EYS: variants seen among roughly 807,000 people sequenced by gnomAD.
EYS encodes EGF-like photoreceptor maintenance factor, also known as protein eyes shut homolog.
A neutral mutation model predicts 282.1 loss-of-function variants in EYS; 250 were observed. The observed-to-expected ratio is 0.89, with a 90% confidence interval of 0.80 to 0.98. The LOEUF is 0.98. Ranked by LOEUF, EYS falls within the 50% of genes least tolerant of loss-of-function variation. EYS has a pLI of 0.00. For synonymous variants in EYS, 1,355 were observed against 1,282.9 expected (o/e 1.06, Z -1.20); for missense variants, 4,016 against 3,709.0 (o/e 1.08, Z -2.15).
intron 12 of EYS, among the ~76,000 whole-genome samples, chr6:65,278,569 T>C (rs144160739): frequency 6.6e-6 from 1 of 151,980 alleles, no homozygotes; most frequent in African/African-American, 2.4e-5. Context: ...TCAAGGTTAT[T>C]CAGTGTGGCA....
chr6:63,906,829 A>G (rs1773790422), intron 35 of EYS, among the ~76,000 whole-genome samples: 1 of 152,102 alleles, frequency 6.6e-6, no homozygotes, highest in Admixed American at 6.5e-5. Flanking sequence ...AAACACAGAT[A>G]TACATATACT....
intron 35 of EYS, among the ~76,000 whole-genome samples, chr6:63,904,015 A>T (rs1773717212): frequency 6.6e-6 from 1 of 152,232 alleles, no homozygotes; most frequent in Non-Finnish European, 1.5e-5. Flanking sequence ...TTTAAGGCAA[A>T]GATAACTAGC....
At chr6:64,248,381 GAGCTGGA>G (rs1420751758) in intron 30 of EYS, among the ~76,000 whole-genome samples, 1 of 152,128 alleles carries the variant, frequency 6.6e-6, no homozygotes, top group Non-Finnish European at 1.5e-5. Flanking sequence ...GCTTGGAAAG[GAGCTGGA>G]GGCAGTTGAA....
intron 30 of EYS, among the ~76,000 whole-genome samples, chr6:64,303,121 C>G (rs1769293547): frequency 6.6e-6 from 1 of 152,114 alleles, no homozygotes; most frequent in Non-Finnish European, 1.5e-5. Flanking sequence ...CTTTATTAAC[C>G]TTTTTAAAAT....
At chr6:64,319,712 C>CAGAT (rs1770134159) in intron 29 of EYS, among the ~76,000 whole-genome samples, 2 of 42,446 alleles carry the variant, frequency 4.7e-5, no homozygotes, top group Admixed American at 2.2e-4. Context: ...GATGGATGGA[C>CAGAT]GGATGGATGG....
chr6:63,799,172 C>T (rs990819249), intron 37 of EYS, among the ~76,000 whole-genome samples: 1 of 151,312 alleles, frequency 6.6e-6, no homozygotes, highest in African/African-American at 2.4e-5. Flanking sequence ...TGCCACCACA[C>T]CCAGCTAATT....
intron 12 of EYS, among the ~76,000 whole-genome samples, chr6:65,243,186 T>A (rs1767097174): frequency 6.6e-6 from 1 of 152,232 alleles, no homozygotes; most frequent in South Asian, 2.1e-4. Flanking sequence ...GTTTATCATA[T>A]CATTTGTACT....
chr6:65,529,301 C>G (rs920401760), intron 2 of EYS, among the ~76,000 whole-genome samples: 7 of 152,094 alleles, frequency 4.6e-5, no homozygotes, highest in African/African-American at 1.4e-4. Context: ...GTGTAAGTAA[C>G]CACTCTGTTG....
intron 22 of EYS, among the ~76,000 whole-genome samples, chr6:64,770,026 T>C (rs542754162): frequency 2.8e-4 from 42 of 152,132 alleles, no homozygotes; most frequent in African/African-American, 8.9e-4. Flanking sequence ...TTTACTTCTA[T>C]CCTTATATTC....
At chr6:65,290,358 G>T (rs2150282529) in intron 12 of EYS, among the ~76,000 whole-genome samples, 1 of 150,884 alleles carries the variant, frequency 6.6e-6, no homozygotes, top group South Asian at 2.1e-4. Context: ...TATTATAAGA[G>T]AAAATACAAA....
At chr6:64,860,165 G>A (rs1463659009) in intron 19 of EYS, among the ~76,000 whole-genome samples, 1 of 152,086 alleles carries the variant, frequency 6.6e-6, no homozygotes, top group Non-Finnish European at 1.5e-5. Flanking sequence ...AATATTGATT[G>A]CTCTAGAGTT....
intron 5 of EYS, among the ~76,000 whole-genome samples, chr6:65,471,741 T>C (rs1765226109): frequency 6.6e-6 from 1 of 152,158 alleles, no homozygotes; most frequent in Admixed American, 6.5e-5. Context: ...TGTATTCTTG[T>C]TCACAATAGA....
rs192724486 is a variant in EYS, at chr6:64,901,132, A to C, written c.2846+981T>G. 8.0e-3 allele frequency among the ~76,000 whole-genome samples: 1,214 copies of C among 151,846 alleles called. 9 individuals are homozygous for C. The highest frequency in any genetic ancestry group is 0.012 in the Non-Finnish European group (828 of 67,944). ...GGAAACCATCATTCTTTGCAAACTA[A>C]CACAAGAACAGAAAACCAACCACTG... On this transcript the variant is annotated intron_variant, in intron 18 of 42. Transcript: ENST00000503581.
At chr6:64,627,091 A>G (rs573417365) in intron 22 of EYS, among the ~76,000 whole-genome samples, 2 of 152,344 alleles carry the variant, frequency 1.3e-5, no homozygotes, top group Middle Eastern at 3.4e-3. Context: ...AGGATCCACA[A>G]TATTGATTAA....
chr6:63,919,774 A>C (rs957911357), intron 35 of EYS, among the ~76,000 whole-genome samples: 4 of 152,088 alleles, frequency 2.6e-5, no homozygotes, highest in African/African-American at 7.2e-5. Flanking sequence ...TTTTCTTTAC[A>C]CTCACCCCAG....
At chr6:65,203,497 G>A (rs1206504136) in intron 12 of EYS, among the ~76,000 whole-genome samples, 3 of 152,070 alleles carry the variant, frequency 2.0e-5, no homozygotes, top group Non-Finnish European at 2.9e-5. Flanking sequence ...AATTTATACA[G>A]AGCCTTGGCC....
At chr6:65,414,880 T>C (rs965409716) in intron 5 of EYS, among the ~76,000 whole-genome samples, 71 of 152,102 alleles carry the variant, frequency 4.7e-4, no homozygotes, top group African/African-American at 1.6e-3. Context: ...CACTGATATT[T>C]AATGTTACTA....
intron 12 of EYS, among the ~76,000 whole-genome samples, chr6:65,294,030 G>C (rs1562077576): frequency 6.6e-6 from 1 of 151,830 alleles, no homozygotes; most frequent in East Asian, 1.9e-4. Flanking sequence ...AAATCAAATG[G>C]AAAGGGAGAA....
At position 64,430,066 on chromosome 6, in the gene EYS, C is replaced by T. The variant is rs149339716; in HGVS notation, c.5927+6108G>A. Among the ~76,000 whole-genome samples, 392 of 152,260 alleles carry T rather than the reference C, an allele frequency of 2.6e-3. 3 individuals are homozygous for T. Among genetic ancestry groups the T allele is most frequent in the African/African-American group, 8.8e-3 (366 of 41,564 alleles). On this transcript the variant is annotated intron_variant, in intron 28 of 42. Transcript: ENST00000503581. ...TCCACTTCACTGATTTTCCAGCACT[C>T]TGAGCCAAAGTATTCCCGCTCTAAT...
Sources: allele counts gnomAD v4.1 joint callset (sites outside exome capture counted in the v4.1 genomes callset), GRCh38; gene constraint gnomAD v4.1.1; transcripts MANE v1.5; gene names NCBI Gene and HGNC (gene_info 2026-07-23, HGNC 2026-07-21).